BTBD8: variants seen among roughly 807,000 people sequenced by gnomAD.
The protein encoded by BTBD8 is BTB domain containing 8, also known as BTB/POZ domain-containing protein 8.
BTBD8 carries 110 observed loss-of-function variants against 162.9 expected under a neutral mutation model. That is an observed-to-expected ratio of 0.68 (90% CI 0.58 to 0.79). The LOEUF (loss-of-function observed/expected upper bound fraction) is 0.79, where lower values mean the gene tolerates loss of function less well. Among genes scored for constraint, BTBD8 ranks in the 30% least tolerant of loss-of-function variants. The probability of loss-of-function intolerance (pLI) is 0.00; values close to 1 mark genes in which losing one functional copy is unlikely to be tolerated. For missense variants in BTBD8, 1,905 were observed against 2,085.4 expected (o/e 0.91, Z 1.68); for synonymous variants, 667 against 716.1 (o/e 0.93, Z 1.10).
intron 2 of BTBD8, among the ~76,000 whole-genome samples, chr1:92,099,097 C>T (rs1256071537): frequency 6.6e-6 from 1 of 152,122 alleles, no homozygotes; most frequent in African/African-American, 2.4e-5. Flanking sequence ...CGTCTAACTT[C>T]ATTCTTTTGC....
At chr1:92,173,068 G>A (rs1035474132) in intron 13 of BTBD8, among the ~76,000 whole-genome samples, 8 of 152,252 alleles carry the variant, frequency 5.3e-5, no homozygotes, top group South Asian at 2.1e-4. Flanking sequence ...TGGGATTACA[G>A]GAATGTGCCA....
At chr1:92,153,875 T>A (rs1324520192) in intron 9 of BTBD8, among the ~76,000 whole-genome samples, 2 of 152,188 alleles carry the variant, frequency 1.3e-5, no homozygotes, top group African/African-American at 2.4e-5. Context: ...AATGCTGATG[T>A]GCTTTGGATG....
intron 4 of BTBD8, among the ~76,000 whole-genome samples, chr1:92,119,754 G>A (rs1199749584): frequency 1.3e-5 from 2 of 151,406 alleles, no homozygotes; most frequent in Non-Finnish European, 2.9e-5. Context: ...AGCATCCCGA[G>A]TAGCTGGGAC....
chr1:92,139,227 A>T, intron 5 of BTBD8, 123 bp from the exon 6 acceptor site: 1 of 1,005,828 alleles, frequency 9.9e-7, no homozygotes, highest in Non-Finnish European at 1.4e-6. Context: ...TTTGAAGAGT[A>T]TATTCTTCAG....
Position 92,166,928 on chromosome 1 carries a change from C to G in BTBD8, c.1123-30C>G, listed in dbSNP as rs186689253. 6.6e-6 allele frequency: 10 copies of G among 1,523,094 alleles called. No homozygotes were observed. In the Admixed American group the frequency reaches 1.3e-4, roughly 20 times the overall value. The allele number at this position is 1,523,094 out of a possible 1,614,324, so 94.3% of individuals were successfully genotyped here. A position where few individuals can be genotyped will look rare whatever the true frequency, so the allele number is the denominator to read the frequency against. On this transcript the variant is annotated intron_variant, in intron 9 of 17. Coordinates refer to ENST00000636805, the MANE Select transcript of BTBD8 (RefSeq NM_001376131.1). ...GTTATTTTATTAGCAGTAATAGCAT[C>G]TAACTTTCCAATTTTTTTTTAAATC...
chr1:92,120,915 A>C (rs996828444), intron 4 of BTBD8, among the ~76,000 whole-genome samples: 3 of 152,096 alleles, frequency 2.0e-5, no homozygotes, highest in Non-Finnish European at 2.9e-5. Flanking sequence ...GACGTGCACC[A>C]CCAAGCATGG....
intron 12 of BTBD8, 23 bp downstream of exon 12, chr1:92,169,018 C>T (rs1650462232): frequency 6.6e-7 from 1 of 1,507,070 alleles, no homozygotes; most frequent in Non-Finnish European, 9.0e-7. Flanking sequence ...TGAGATATTT[C>T]AATTCTTATG....
At position 92,080,553 on chromosome 1, in the gene BTBD8, C is replaced by A; in HGVS notation, c.-19C>A. The stretch of plus-strand genomic sequence containing the variant: ...GAGGCCAAGTACTGGGCCTCCAGGG[C>A]GTCGTACCTCTGTGAGACATGGCTC... On this transcript the variant is annotated 5_prime_UTR_variant, in exon 1 of 18. Transcript: ENST00000636805. 1 of 1,612,596 alleles carries A rather than the reference C, an allele frequency of 6.2e-7. No individual in the cohort carries two copies. Among genetic ancestry groups the A allele is most frequent in the African/African-American group, 1.3e-5 (1 of 74,952 alleles).
chr1:92,118,367 A>G (rs1314309904), intron 4 of BTBD8, among the ~76,000 whole-genome samples: 3 of 145,064 alleles, frequency 2.1e-5, no homozygotes, highest in African/African-American at 7.8e-5. Context: ...AATGGAGTTT[A>G]TCTGATGTTT....
intron 1 of BTBD8, among the ~76,000 whole-genome samples, chr1:92,081,538 A>G (rs945699834): frequency 1.3e-5 from 2 of 152,208 alleles, no homozygotes; most frequent in East Asian, 3.8e-4. Context: ...CCACTGAGGT[A>G]AACATAATTA....
chr1:92,155,476 G>A (rs1313881163), intron 9 of BTBD8, among the ~76,000 whole-genome samples: 4 of 151,946 alleles, frequency 2.6e-5, no homozygotes, highest in Admixed American at 6.6e-5. Context: ...GTCTTGCTCT[G>A]TTGCCCAGGC....
intron 3 of BTBD8, among the ~76,000 whole-genome samples, chr1:92,105,833 A>G (rs554819622): frequency 6.6e-6 from 1 of 152,358 alleles, no homozygotes; most frequent in South Asian, 2.1e-4. Context: ...ATGGAAGTAA[A>G]GTACAGAAAT....
intron 5 of BTBD8, among the ~76,000 whole-genome samples, chr1:92,130,539 TACACACAC>T (rs59796834): frequency 3.8e-5 from 5 of 131,124 alleles, no homozygotes; most frequent in African/African-American, 1.4e-4. Flanking sequence ...TATATATATT[TACACACAC>T]ACACACACAC....
intron 9 of BTBD8, among the ~76,000 whole-genome samples, chr1:92,157,160 C>T (rs1650178827): frequency 6.6e-6 from 1 of 151,860 alleles, no homozygotes; most frequent in African/African-American, 2.4e-5. Context: ...CTAATTTATC[C>T]TTTGATTCTT....
chr1:92,144,810 TACACACACACACAC>T (rs10631515), intron 7 of BTBD8, among the ~76,000 whole-genome samples: 5 of 140,742 alleles, frequency 3.6e-5, no homozygotes, highest in African/African-American at 5.3e-5. Flanking sequence ...AAAAAAAAAC[TACACACACACACAC>T]ACACACACAC....
chr1:92,167,108 A>T lies in BTBD8; in HGVS notation c.1273A>T (p.Ile425Phe). Reference sequence around the variant, plus strand: ...TATTGTAGACAACTTCTCCAAGATTATTCAGAGTGAAAATTTTGCTCTTCT... The same window carrying T: ...TATTGTAGACAACTTCTCCAAGATTTTTCAGAGTGAAAATTTTGCTCTTCT... Reference protein sequence around the residue: ...AFIVDNFSKIIQSENFALLLQ... With the variant: ...AFIVDNFSKIFQSENFALLLQ... The change falls in exon 10 of 18, where the codon ATT becomes TTT. Residue 425 changes from isoleucine to phenylalanine, a missense_variant. By Grantham distance (21) the Ile-to-Phe change is conservative. This residue lies in a region of BTBD8 where 1,374 missense variants were observed against 1,442.7 expected (regional missense o/e 0.95). Transcript: ENST00000636805. 6.4e-7 allele frequency: 1 copy of T among 1,550,588 alleles called. No individual in the cohort carries two copies. Among genetic ancestry groups the T allele is most frequent in the Non-Finnish European group, 8.7e-7 (1 of 1,146,990 alleles).
chr1:92,183,210 G>C (rs1021181829), intron 17 of BTBD8, among the ~76,000 whole-genome samples: 2 of 152,088 alleles, frequency 1.3e-5, no homozygotes, highest in Non-Finnish European at 2.9e-5. Flanking sequence ...ATGATTTTCT[G>C]TCTAATTGTT....
intron 9 of BTBD8, among the ~76,000 whole-genome samples, chr1:92,159,083 C>T (rs938141666): frequency 1.3e-5 from 2 of 152,146 alleles, no homozygotes; most frequent in Non-Finnish European, 2.9e-5. Flanking sequence ...TATTCACTGC[C>T]ATAAGTGATA....
At chr1:92,124,140 G>A (rs1396363943) in intron 4 of BTBD8, among the ~76,000 whole-genome samples, 1 of 152,156 alleles carries the variant, frequency 6.6e-6, no homozygotes, top group African/African-American at 2.4e-5. Flanking sequence ...TTTGGCAATT[G>A]CCTCAATGGA....
Sources: gnomAD v4.1 joint callset for allele counts (sites outside exome capture counted in the v4.1 genomes callset) on GRCh38, gnomAD v4.1.1 for gene constraint, gnomAD v4.1.1 regional missense constraint, MANE v1.5 for transcripts, NCBI Gene and HGNC (gene_info 2026-07-23, HGNC 2026-07-21) for gene names.